The following RBMS2 variants were observed in gnomAD, a reference collection of about 807,000 sequenced individuals.
The protein encoded by RBMS2 is RNA-binding motif, single-stranded-interacting protein 2.
In RBMS2, 38 loss-of-function variants were observed where a neutral mutation model predicts 58.4. The ratio of observed to expected loss-of-function variants is 0.65; its 90% CI spans 0.50 to 0.85. The LOEUF is 0.85. Ranked by LOEUF, RBMS2 falls within the 40% of genes least tolerant of loss-of-function variation. The pLI is 0.00. For synonymous variants in RBMS2, 151 were observed against 180.7 expected (o/e 0.84, Z 1.32); for missense variants, 367 against 503.7 (o/e 0.73, Z 2.60).
chr12:56,559,067 G>A (rs1329262245), intron 1 of RBMS2, among the ~76,000 whole-genome samples: 4 of 152,078 alleles, frequency 2.6e-5, no homozygotes, highest in African/African-American at 7.2e-5. Context: ...TGTTGACATC[G>A]TGGCTATCAT....
chr12:56,570,868 C>T (rs534667819), intron 4 of RBMS2, among the ~76,000 whole-genome samples: 3 of 152,172 alleles, frequency 2.0e-5, no homozygotes, highest in African/African-American at 4.8e-5. Flanking sequence ...TGAGCCACCA[C>T]GCCTGGCTGT....
chr12:56,586,617 G>C (rs1233271085), intron 9 of RBMS2, among the ~76,000 whole-genome samples: 1 of 151,604 alleles, frequency 6.6e-6, no homozygotes, highest in Non-Finnish European at 1.5e-5. Context: ...CCAGGCTGGA[G>C]TGCAGTGTCA....
At position 56,595,995 on chromosome 12, in the gene RBMS2, G is replaced by C. The variant is rs1885767532; in HGVS notation, c.*6862G>C. 1 of 152,662 alleles carries C rather than the reference G, an allele frequency of 6.6e-6. No individual in the cohort carries two copies. Among genetic ancestry groups the C allele is most frequent in the Non-Finnish European group, 1.5e-5 (1 of 68,048 alleles). 9.5% of individuals were successfully genotyped at this position (152,662 alleles called of 1,614,324 possible). On this transcript the variant is annotated 3_prime_UTR_variant, in exon 14 of 14. Transcript: ENST00000262031. ...GCACTTTTCTACAGCTGCACTTGTG[G>C]AACATCACATGGCAAAAACAGGAGT...
At chr12:56,570,145 G>A in intron 4 of RBMS2, 155 bp downstream of exon 4, 1 of 617,416 alleles carries the variant, frequency 1.6e-6, no homozygotes, top group Admixed American at 3.2e-5. Flanking sequence ...ACCCCTGGCT[G>A]CTGGAGGAAG....
intron 5 of RBMS2, among the ~76,000 whole-genome samples, chr12:56,574,560 G>T (rs571883732): frequency 6.6e-5 from 10 of 152,290 alleles, no homozygotes; most frequent in Admixed American, 5.2e-4. Context: ...TTTCTTCAAA[G>T]AGTTAAAATA....
At position 56,542,469 on chromosome 12, in the gene RBMS2, T is replaced by G. The variant is rs964138315; in HGVS notation, c.67-19948T>G. On this transcript the variant is annotated intron_variant, in intron 1 of 13. Coordinates refer to ENST00000262031, the MANE Select transcript of RBMS2 (RefSeq NM_002898.4). Reference sequence around the variant, plus strand: ...GATTTGAGCATATTTAAAGTATGGGTTTTTTTTTTTTAAAAATGGGGCTTA... The same window carrying G: ...GATTTGAGCATATTTAAAGTATGGGGTTTTTTTTTTTAAAAATGGGGCTTA... Among the ~76,000 whole-genome samples the G allele has an allele frequency of 5.4e-5, 8 of 147,088 alleles. No homozygotes were observed. In the South Asian group the frequency reaches 1.3e-3, roughly 23 times the overall value.
intron 9 of RBMS2, among the ~76,000 whole-genome samples, chr12:56,582,460 T>G (rs1884100382): frequency 6.6e-6 from 1 of 152,194 alleles, no homozygotes; most frequent in African/African-American, 2.4e-5. Flanking sequence ...AGTTGTTTAT[T>G]TTACAAAAAT....
intron 1 of RBMS2, among the ~76,000 whole-genome samples, chr12:56,559,146 A>G (rs1879871221): frequency 6.6e-6 from 1 of 152,096 alleles, no homozygotes; most frequent in Admixed American, 6.6e-5. Flanking sequence ...TTTCTCAGCT[A>G]AGGATCAATA....
At chr12:56,585,263 G>T (rs1884533371) in intron 9 of RBMS2, among the ~76,000 whole-genome samples, 1 of 152,230 alleles carries the variant, frequency 6.6e-6, no homozygotes, top group African/African-American at 2.4e-5. Flanking sequence ...ATAGGAGTCT[G>T]TTTTCTTTCA....
chr12:56,541,930 A>G (rs899652275), intron 1 of RBMS2, among the ~76,000 whole-genome samples: 1 of 152,356 alleles, frequency 6.6e-6, no homozygotes, highest in Non-Finnish European at 1.5e-5. Context: ...CCCTAAGATG[A>G]TAACAATCCA....
chr12:56,539,072 G>A (rs1228680577), intron 1 of RBMS2, among the ~76,000 whole-genome samples: 4 of 150,900 alleles, frequency 2.7e-5, no homozygotes, highest in Admixed American at 6.6e-5. Context: ...CTGGAGTGCG[G>A]TGGCGCAATC....
chr12:56,565,261 G>T (rs1301678315), intron 2 of RBMS2, among the ~76,000 whole-genome samples: 1 of 152,122 alleles, frequency 6.6e-6, no homozygotes, highest in Non-Finnish European at 1.5e-5. Flanking sequence ...AGGTTAAGGG[G>T]TACATGTGCA....
intron 1 of RBMS2, among the ~76,000 whole-genome samples, chr12:56,526,817 A>G (rs184369036): frequency 1.6e-3 from 249 of 152,224 alleles, no homozygotes; most frequent in African/African-American, 5.8e-3. Flanking sequence ...TCAAACTTGT[A>G]AAGGGCCTAA....
At chr12:56,581,141 G>C (rs922622845) in intron 5 of RBMS2, 43 bp from the exon 6 acceptor site, 2 of 1,475,940 alleles carry the variant, frequency 1.4e-6, no homozygotes, top group Non-Finnish European at 1.9e-6. Context: ...GGAGAGCACA[G>C]ATCCTGGAGA....
chr12:56,583,016 T>C (rs1884191490), intron 9 of RBMS2, among the ~76,000 whole-genome samples: 1 of 152,190 alleles, frequency 6.6e-6, no homozygotes, highest in Non-Finnish European at 1.5e-5. Context: ...GATCCTCTGC[T>C]CTAATTTTAT....
At chr12:56,560,809 T>C (rs913503457) in intron 1 of RBMS2, among the ~76,000 whole-genome samples, 1 of 152,184 alleles carries the variant, frequency 6.6e-6, no homozygotes, top group Non-Finnish European at 1.5e-5. Context: ...AGGTTTGTTA[T>C]ACAGGTAATC....
intron 1 of RBMS2, among the ~76,000 whole-genome samples, chr12:56,524,996 A>T (rs1313857808): frequency 1.3e-5 from 2 of 151,846 alleles, no homozygotes; most frequent in Non-Finnish European, 2.9e-5. Context: ...TGCTGGGATT[A>T]CAGGCATGAG....
intron 10 of RBMS2, 46 bp from the exon 11 acceptor site, chr12:56,587,508 C>G: frequency 6.3e-7 from 1 of 1,589,138 alleles, no homozygotes; most frequent in Non-Finnish European, 8.6e-7. Context: ...TTTAGGCAGC[C>G]TCACAGGATG....
At position 56,595,601 on chromosome 12, in the gene RBMS2, C is replaced by T. The variant is rs772159682; in HGVS notation, c.*6468C>T. On this transcript the variant is annotated 3_prime_UTR_variant, in exon 14 of 14. Transcript: ENST00000262031. ...TTTTTAAATAAAACACAAAAGTCTA[C>T]GTCTTGGTGTCTTATCCGTGAGTGG... is the stretch of plus-strand genomic sequence containing the variant. 2.0e-5 allele frequency: 3 copies of T among 151,568 alleles called. No homozygotes were observed. Among genetic ancestry groups the T allele is most frequent in the African/African-American group, 7.3e-5 (3 of 41,196 alleles). 9.4% of individuals were successfully genotyped at this position (151,568 alleles called of 1,614,324 possible). A position where few individuals can be genotyped will look rare whatever the true frequency, so the allele number is the denominator to read the frequency against.
Sources: allele counts gnomAD v4.1 joint callset (sites outside exome capture counted in the v4.1 genomes callset), GRCh38; gene constraint gnomAD v4.1.1; transcripts MANE v1.5; gene names NCBI Gene and HGNC (gene_info 2026-07-23, HGNC 2026-07-21).